RPN2: variants seen among roughly 807,000 people sequenced by gnomAD.
RPN2 encodes the protein ribophorin II.
Under a neutral mutation model 71.4 loss-of-function variants are expected in RPN2, and 29 were observed. The observed-to-expected ratio is 0.41, with a 90% CI of 0.30 to 0.55. RPN2 has a LOEUF of 0.55. Among genes scored for constraint, RPN2 ranks in the 20% least tolerant of loss-of-function variants. The pLI is 0.35. For synonymous variants in RPN2, 308 were observed against 305.0 expected, an observed-to-expected ratio of 1.01 and a Z score of -0.10; for missense variants, 726 against 774.1, an observed-to-expected ratio of 0.94 and a Z score of 0.74.
At chr20:37,194,721 A>G (rs1036391350) in intron 2 of RPN2, among the ~76,000 whole-genome samples, 11 of 152,190 alleles carry the variant, frequency 7.2e-5, no homozygotes, top group Admixed American at 6.5e-4. Flanking sequence ...TGCTTGTGCA[A>G]CTGGAGCAGA....
At chr20:37,185,747 C>T (rs1291567867) in intron 2 of RPN2, among the ~76,000 whole-genome samples, 1 of 152,224 alleles carries the variant, frequency 6.6e-6, no homozygotes, top group Non-Finnish European at 1.5e-5. Flanking sequence ...CCTGTCTCAG[C>T]TTCCTGAGTA....
chr20:37,238,864 ACTTTT>A, intron 16 of RPN2: 1 of 521,546 alleles, frequency 1.9e-6, no homozygotes, highest in South Asian at 1.4e-5. Flanking sequence ...CTGTTTCTAG[ACTTTT>A]CTGTAACACC....
intron 2 of RPN2, among the ~76,000 whole-genome samples, chr20:37,197,214 C>T (rs1044550879): frequency 6.6e-6 from 1 of 152,134 alleles, no homozygotes; most frequent in African/African-American, 2.4e-5. Flanking sequence ...GCATTTCATG[C>T]TGTGTCAGAA....
At chr20:37,202,649 A>G (rs561103330) in intron 4 of RPN2, among the ~76,000 whole-genome samples, 2 of 152,350 alleles carry the variant, frequency 1.3e-5, no homozygotes, top group Non-Finnish European at 2.9e-5. Context: ...ACATGTATAC[A>G]TCTATCATGT....
intron 1 of RPN2, among the ~76,000 whole-genome samples, chr20:37,181,755 G>A (rs183070693): frequency 2.5e-4 from 38 of 152,194 alleles, no homozygotes; most frequent in African/African-American, 9.1e-4. Flanking sequence ...TTTCCCACCA[G>A]ATATCTTTAT....
chr20:37,181,653 A>G (rs2066887175), intron 1 of RPN2, among the ~76,000 whole-genome samples: 2 of 152,090 alleles, frequency 1.3e-5, no homozygotes, highest in Admixed American at 1.3e-4. Context: ...TCCCGACCTC[A>G]GGTGATCCCC....
intron 6 of RPN2, 50 bp downstream of exon 6, chr20:37,204,951 G>GT: frequency 4.3e-6 from 7 of 1,613,520 alleles, no homozygotes; most frequent in Non-Finnish European, 5.9e-6. Context: ...GTCATCAGCT[G>GT]TATCTGCTAA....
chr20:37,215,565 TGTACTTCGA>T (rs995043513), intron 9 of RPN2, among the ~76,000 whole-genome samples: 1 of 152,214 alleles, frequency 6.6e-6, no homozygotes, highest in African/African-American at 2.4e-5. Flanking sequence ...TCTTCTTCCC[TGTACTTCGA>T]GTCCATCTTA....
intron 9 of RPN2, among the ~76,000 whole-genome samples, chr20:37,221,740 A>G (rs942561366): frequency 2.6e-5 from 4 of 152,208 alleles, no homozygotes; most frequent in African/African-American, 4.8e-5. Flanking sequence ...ATGGAGTATT[A>G]TTGCTAATCC....
At chr20:37,196,790 C>T (rs2067266107) in intron 2 of RPN2, among the ~76,000 whole-genome samples, 1 of 152,120 alleles carries the variant, frequency 6.6e-6, no homozygotes. Flanking sequence ...TTCTTGGAGT[C>T]GAGGAGAGTC....
At chr20:37,195,761 C>G (rs972107069) in intron 2 of RPN2, among the ~76,000 whole-genome samples, 6 of 152,102 alleles carry the variant, frequency 3.9e-5, no homozygotes, top group Non-Finnish European at 7.4e-5. Context: ...TTTCAGCTGC[C>G]TTGCATTCCC....
intron 2 of RPN2, among the ~76,000 whole-genome samples, chr20:37,184,686 G>C (rs2066967129): frequency 6.6e-6 from 1 of 152,148 alleles, no homozygotes; most frequent in Admixed American, 6.5e-5. Flanking sequence ...CAGCTACTCA[G>C]GAGGCTGAGG....
chr20:37,182,479 C>G (rs553668744), intron 1 of RPN2, among the ~76,000 whole-genome samples: 1 of 152,182 alleles, frequency 6.6e-6, no homozygotes, highest in South Asian at 2.1e-4. Context: ...CAGTCTCAAC[C>G]TCCTGGGCTC....
chr20:37,216,554 G>A (rs532981003), intron 9 of RPN2, among the ~76,000 whole-genome samples: 6 of 151,740 alleles, frequency 4.0e-5, no homozygotes, highest in Admixed American at 1.3e-4. Context: ...CTCTGCCTCC[G>A]GGGTTCAAGC....
intron 8 of RPN2, among the ~76,000 whole-genome samples, chr20:37,212,886 G>A (rs1212674108): frequency 1.3e-5 from 2 of 152,158 alleles, no homozygotes; most frequent in Non-Finnish European, 2.9e-5. Context: ...TAGGCAATAT[G>A]TGAAATTAAA....
chr20:37,180,175 G>A (rs918903738), intron 1 of RPN2, among the ~76,000 whole-genome samples: 2 of 152,214 alleles, frequency 1.3e-5, no homozygotes, highest in African/African-American at 4.8e-5. Flanking sequence ...GAATCCCACG[G>A]AAGGGAACTT....
Position 37,207,418 on chromosome 20 carries a change from C to T in RPN2, c.836C>T (p.Ala279Val). ...GTTGTGGTTGTGCCTGAGGGCTCTG[C>T]TTCCGACACTCATGAACAGGCTATC... is the stretch of plus-strand genomic sequence containing the variant. ...VPVVVVPEGSASDTHEQAILR... is the reference protein window; with the variant it reads ...VPVVVVPEGSVSDTHEQAILR... The change falls in exon 7 of 17, where the codon GCT (alanine) becomes GTT (valine). Residue 279 changes from alanine to valine, a missense_variant. Coordinates refer to ENST00000237530, the MANE Select transcript of RPN2 (RefSeq NM_002951.5). 1 of 1,614,242 alleles carries T rather than the reference C, an allele frequency of 6.2e-7. No individual in the cohort carries two copies. Among genetic ancestry groups the T allele is most frequent in the Non-Finnish European group, 8.5e-7 (1 of 1,180,040 alleles).
chr20:37,179,585 G>T (rs370959266), intron 1 of RPN2: 4 of 1,255,804 alleles, frequency 3.2e-6, no homozygotes, highest in East Asian at 2.8e-5. Context: ...TGGGGGAGGG[G>T]TGCAGCGCGG....
At chr20:37,228,453 A>T (rs2068137797) in intron 11 of RPN2, 97 bp from the exon 12 acceptor site, 2 of 1,197,678 alleles carry the variant, frequency 1.7e-6, no homozygotes, top group Non-Finnish European at 2.5e-6. Flanking sequence ...ACTGTGACAA[A>T]GCGCTAATAA....
Sources: gnomAD v4.1 joint callset for allele counts (sites outside exome capture counted in the v4.1 genomes callset) on GRCh38, gnomAD v4.1.1 for gene constraint, MANE v1.5 for transcripts, NCBI Gene and HGNC (gene_info 2026-07-23, HGNC 2026-07-21) for gene names.